EXOC6B: variants seen among roughly 807,000 people sequenced by gnomAD.
EXOC6B encodes the protein exocyst complex component 6B.
EXOC6B carries 54 observed loss-of-function variants against 113.5 expected under a neutral mutation model. The ratio of observed to expected loss-of-function variants is 0.48; its 90% CI spans 0.38 to 0.60. The LOEUF (loss-of-function observed/expected upper bound fraction) is 0.60, where lower values mean the gene tolerates loss of function less well. Ranked by LOEUF, EXOC6B falls within the 20% of genes least tolerant of loss-of-function variation. EXOC6B has a pLI of 0.00. For missense variants in EXOC6B, 797 were observed against 977.5 expected (o/e 0.82, Z 2.46); for synonymous variants, 357 against 339.0 (o/e 1.05, Z -0.58).
chr2:72,623,202 C>G lies in EXOC6B; in HGVS notation c.670-47534G>C, dbSNP rs72916239. Among the ~76,000 whole-genome samples, 1,019 of 152,190 alleles carry G rather than the reference C, an allele frequency of 6.7e-3. 11 individuals are homozygous for G. The highest frequency in any genetic ancestry group is 0.023 in the African/African-American group (967 of 41,518). ...CATTAAAAAAATTATCCTGAGTATTCTCCTCTTCTCAGTCTACAGTGGGGT... is the reference window on the plus strand; with the variant it reads ...CATTAAAAAAATTATCCTGAGTATTGTCCTCTTCTCAGTCTACAGTGGGGT... On this transcript the variant is annotated intron_variant, in intron 6 of 21. Transcript: ENST00000272427.
intron 20 of EXOC6B, among the ~76,000 whole-genome samples, chr2:72,300,061 T>C (rs1686411550): frequency 6.6e-6 from 1 of 152,164 alleles, no homozygotes; most frequent in African/African-American, 2.4e-5. Context: ...TGCTTGGAGA[T>C]CTGCTGCTCT....
rs147448402 is a variant in EXOC6B at position 72,419,855 on chromosome 2, G to C, written c.1981-39985C>G. 2.0e-5 allele frequency among the ~76,000 whole-genome samples: 3 copies of C among 152,276 alleles called. No homozygotes were observed. The East Asian group carries it at 5.8e-4, about 29-fold the overall frequency. ...TCATGTCTTCCAACAATCTTGGAAA[G>C]TTTTCAGCTATTATTTCTTCAGATA... On this transcript the variant is annotated intron_variant, in intron 18 of 21. Transcript: ENST00000272427.
intron 1 of EXOC6B, among the ~76,000 whole-genome samples, chr2:72,799,832 A>C (rs1391621778): frequency 6.6e-6 from 1 of 152,150 alleles, no homozygotes; most frequent in Non-Finnish European, 1.5e-5. Context: ...TGGGAGGCCA[A>C]GGCAGACGAA....
At chr2:72,329,121 A>C (rs976054488) in intron 20 of EXOC6B, among the ~76,000 whole-genome samples, 6 of 152,082 alleles carry the variant, frequency 3.9e-5, no homozygotes, top group Non-Finnish European at 8.8e-5. Flanking sequence ...TTTCTCTACC[A>C]AGAATATCTT....
intron 6 of EXOC6B, among the ~76,000 whole-genome samples, chr2:72,705,334 A>G (rs1300026960): frequency 2.0e-5 from 3 of 152,184 alleles, no homozygotes; most frequent in Non-Finnish European, 2.9e-5. Flanking sequence ...TTTCAAAATA[A>G]TAAGAGCTAT....
intron 6 of EXOC6B, among the ~76,000 whole-genome samples, chr2:72,598,631 G>A (rs1670217747): frequency 6.6e-6 from 1 of 151,966 alleles, no homozygotes; most frequent in South Asian, 2.1e-4. Flanking sequence ...GACTGGTAAA[G>A]TTGATAAATG....
At chr2:72,824,775 G>T (rs1443021568) in intron 1 of EXOC6B, among the ~76,000 whole-genome samples, 1 of 152,126 alleles carries the variant, frequency 6.6e-6, no homozygotes. Flanking sequence ...ATGAGGGGAA[G>T]GGGGAAAGTA....
At chr2:72,757,635 T>C (rs1174795806) in intron 1 of EXOC6B, among the ~76,000 whole-genome samples, 1 of 152,226 alleles carries the variant, frequency 6.6e-6, no homozygotes, top group Non-Finnish European at 1.5e-5. Context: ...TCATAGCATG[T>C]ACACCCTAGG....
chr2:72,482,455 A>C (rs1196603151), intron 16 of EXOC6B, among the ~76,000 whole-genome samples: 2 of 150,930 alleles, frequency 1.3e-5, no homozygotes, highest in African/African-American at 4.9e-5. Context: ...AAGGCAATGA[A>C]TTAATCTAGG....
intron 8 of EXOC6B, among the ~76,000 whole-genome samples, chr2:72,523,697 C>T (rs890195214): frequency 5.8e-5 from 8 of 138,942 alleles, no homozygotes; most frequent in Non-Finnish European, 9.1e-5. Context: ...AGGAGAATGG[C>T]GTGAACCCGG....
At chr2:72,602,266 A>G (rs1390732487) in intron 6 of EXOC6B, among the ~76,000 whole-genome samples, 1 of 152,226 alleles carries the variant, frequency 6.6e-6, no homozygotes, top group East Asian at 1.9e-4. Flanking sequence ...GTGCATGATT[A>G]TAGTAGATAA....
At chr2:72,205,472 C>A (rs1679782023) in intron 20 of EXOC6B, among the ~76,000 whole-genome samples, 1 of 152,002 alleles carries the variant, frequency 6.6e-6, no homozygotes, top group Non-Finnish European at 1.5e-5. Context: ...AACAATGAGA[C>A]CTCTATAACC....
intron 8 of EXOC6B, among the ~76,000 whole-genome samples, chr2:72,525,347 T>C (rs556908967): frequency 1.3e-5 from 2 of 152,336 alleles, no homozygotes; most frequent in East Asian, 3.8e-4. Flanking sequence ...AAAGCTTTAA[T>C]TGATGACTAC....
chr2:72,636,370 A>AAGGG (rs1287706583), intron 6 of EXOC6B, among the ~76,000 whole-genome samples: 1 of 95,170 alleles, frequency 1.1e-5, no homozygotes. Flanking sequence ...GGAAGGAAGG[A>AAGGG]AGCAAGGAAG....
intron 6 of EXOC6B, among the ~76,000 whole-genome samples, chr2:72,701,650 T>C (rs1396422750): frequency 6.6e-6 from 1 of 152,186 alleles, no homozygotes; most frequent in Non-Finnish European, 1.5e-5. Context: ...TAAGGAATTC[T>C]ACTTCCCGGA....
intron 20 of EXOC6B, among the ~76,000 whole-genome samples, chr2:72,240,693 A>G (rs969772654): frequency 2.6e-5 from 4 of 152,226 alleles, no homozygotes; most frequent in Admixed American, 6.5e-5. Flanking sequence ...ACCTCTTAAT[A>G]GGAGTGTTAT....
intron 19 of EXOC6B, among the ~76,000 whole-genome samples, chr2:72,370,250 C>A (rs1237590937): frequency 3.9e-5 from 6 of 152,150 alleles, no homozygotes; most frequent in Non-Finnish European, 5.9e-5. Flanking sequence ...AGCCAAAAGA[C>A]ACATGAAAAA....
At chr2:72,183,573 C>A (rs1572957009) in intron 21 of EXOC6B, among the ~76,000 whole-genome samples, 1 of 152,138 alleles carries the variant, frequency 6.6e-6, no homozygotes, top group East Asian at 1.9e-4. Context: ...CAATAAAGCT[C>A]AGTCTGGCAG....
At chr2:72,356,557 A>T (rs930118457) in intron 19 of EXOC6B, among the ~76,000 whole-genome samples, 1 of 152,178 alleles carries the variant, frequency 6.6e-6, no homozygotes, top group East Asian at 1.9e-4. Context: ...ACAAAAAAAC[A>T]AACTAACTAA....
Sources: gnomAD v4.1 joint callset for allele counts (sites outside exome capture counted in the v4.1 genomes callset) on GRCh38, gnomAD v4.1.1 for gene constraint, MANE v1.5 for transcripts, NCBI Gene and HGNC (gene_info 2026-07-23, HGNC 2026-07-21) for gene names.